NPAS3: variants seen among roughly 807,000 people sequenced by gnomAD.
NPAS3 encodes neuronal PAS domain-containing protein 3.
A neutral mutation model predicts 73.1 loss-of-function variants in NPAS3; 14 were observed. The observed-to-expected ratio is 0.19, with a 90% CI of 0.13 to 0.30. The LOEUF (loss-of-function observed/expected upper bound fraction) is 0.30. Ranked by LOEUF, NPAS3 falls within the 10% of genes least tolerant of loss-of-function variation. The probability of loss-of-function intolerance (pLI) is 1.00; values close to 1 mark genes in which losing one functional copy is unlikely to be tolerated. For missense variants in NPAS3, 1,096 were observed against 1,250.0 expected (o/e 0.88, Z 1.86); for synonymous variants, 620 against 541.5 (o/e 1.14, Z -2.01).
At chr14:33,073,335 G>C (rs1160344163) in intron 2 of NPAS3, among the ~76,000 whole-genome samples, 1 of 152,154 alleles carries the variant, frequency 6.6e-6, no homozygotes, top group Non-Finnish European at 1.5e-5. Context: ...AGTTCCTATA[G>C]CATAGAGTTT....
At chr14:33,204,507 GGA>G (rs2046749408) in intron 2 of NPAS3, among the ~76,000 whole-genome samples, 1 of 152,092 alleles carries the variant, frequency 6.6e-6, no homozygotes, top group African/African-American at 2.4e-5. Flanking sequence ...GCGTGGTTCA[GGA>G]AGCACAGTCT....
chr14:33,730,407 G>T (rs1264546308), intron 6 of NPAS3, among the ~76,000 whole-genome samples: 1 of 152,054 alleles, frequency 6.6e-6, no homozygotes, highest in East Asian at 1.9e-4. Context: ...TAATGCTACA[G>T]TAAAAAAAAC....
At chr14:33,686,142 T>A (rs1451476734) in intron 6 of NPAS3, among the ~76,000 whole-genome samples, 2 of 152,168 alleles carry the variant, frequency 1.3e-5, no homozygotes, top group East Asian at 3.9e-4. Flanking sequence ...ATGACCTACA[T>A]GGCCTGCATG....
rs1445290666 is a variant in NPAS3 at position 33,800,795 on chromosome 14, C to A, written c.2488C>A (p.Arg830Ser). The stretch of plus-strand genomic sequence containing the variant: ...GAGGGTCTACACCACGGGCACCATC[C>A]GCTACGCGCCCGCCGAGGTGACCCT... The change falls in exon 12 of 12, where the codon CGC (arginine) becomes AGC (serine). Residue 830 changes from arginine to serine, a missense_variant. Arg to Ser is a moderately radical substitution (Grantham distance 110). Transcript: ENST00000356141. The surrounding 1 kb of genome is among the most constrained non-coding windows in gnomAD (Gnocchi z 6.5). 1 of 1,589,566 alleles carries A rather than the reference C, an allele frequency of 6.3e-7. No individual in the cohort carries two copies. The highest frequency in any genetic ancestry group is 1.3e-5 in the African/African-American group (1 of 74,722).
At chr14:33,679,784 G>T (rs774669682) in intron 6 of NPAS3, among the ~76,000 whole-genome samples, 2 of 152,150 alleles carry the variant, frequency 1.3e-5, no homozygotes, top group African/African-American at 2.4e-5. Context: ...CTGTCTCTTT[G>T]AACTGTCAGC....
chr14:33,754,050 G>A (rs1410534222), intron 7 of NPAS3, among the ~76,000 whole-genome samples: 1 of 152,120 alleles, frequency 6.6e-6, no homozygotes, highest in Non-Finnish European at 1.5e-5. Flanking sequence ...AGAAAATAAG[G>A]TAACCAGTGA....
chr14:33,704,134 C>T (rs889391907), intron 6 of NPAS3, among the ~76,000 whole-genome samples: 3 of 152,166 alleles, frequency 2.0e-5, no homozygotes, highest in Non-Finnish European at 4.4e-5. Flanking sequence ...TATTATTGCC[C>T]ATTACCTTGC....
intron 6 of NPAS3, among the ~76,000 whole-genome samples, chr14:33,711,876 G>C (rs1249307190): frequency 6.6e-6 from 1 of 152,092 alleles, no homozygotes; most frequent in Non-Finnish European, 1.5e-5. Flanking sequence ...AGACCTCCCA[G>C]TTCTGCACGG....
At chr14:33,784,706 ATTT>A (rs1439795746) in intron 9 of NPAS3, among the ~76,000 whole-genome samples, 1 of 106,656 alleles carries the variant, frequency 9.4e-6, no homozygotes, top group South Asian at 3.0e-4. Context: ...AGCTGCTTTT[ATTT>A]TTTATTGTTA....
intron 1 of NPAS3, among the ~76,000 whole-genome samples, chr14:32,964,222 G>A (rs536140641): frequency 5.4e-5 from 8 of 146,790 alleles, no homozygotes; most frequent in African/African-American, 2.0e-4. Flanking sequence ...CTATATGCAT[G>A]CTATACTCTG....
chr14:33,621,913 G>A (rs558238212), intron 5 of NPAS3, among the ~76,000 whole-genome samples: 2 of 152,134 alleles, frequency 1.3e-5, no homozygotes, highest in Non-Finnish European at 2.9e-5. Context: ...GTAATGGAGA[G>A]TAATTTGAAA....
chr14:33,788,325 C>T (rs2063242017), intron 9 of NPAS3, among the ~76,000 whole-genome samples: 1 of 152,218 alleles, frequency 6.6e-6, no homozygotes, highest in Admixed American at 6.5e-5. Context: ...GTCCTCCTAT[C>T]GCCATGACGA....
At chr14:33,147,191 TAAAG>T (rs1313756801) in intron 2 of NPAS3, among the ~76,000 whole-genome samples, 2 of 152,138 alleles carry the variant, frequency 1.3e-5, no homozygotes, top group African/African-American at 4.8e-5. Context: ...CTATAAAGAA[TAAAG>T]AAGCTGTTTT....
intron 2 of NPAS3, among the ~76,000 whole-genome samples, chr14:33,139,744 A>C (rs1280576461): frequency 1.3e-5 from 2 of 152,218 alleles, no homozygotes; most frequent in African/African-American, 4.8e-5. Flanking sequence ...CCTCAGTTGC[A>C]CTAGCCTCAT....
intron 2 of NPAS3, among the ~76,000 whole-genome samples, chr14:33,185,519 T>C (rs2045947172): frequency 6.6e-6 from 1 of 152,210 alleles, no homozygotes; most frequent in Admixed American, 6.5e-5. Context: ...TTATATTCAG[T>C]TTGGAGTTAA....
intron 4 of NPAS3, among the ~76,000 whole-genome samples, chr14:33,504,827 A>AGC (rs1314952149): frequency 6.6e-6 from 1 of 152,054 alleles, no homozygotes; most frequent in Non-Finnish European, 1.5e-5. Flanking sequence ...CTATGATAGC[A>AGC]GAAGACCAGC....
At chr14:33,690,845 G>T (rs2140406860) in intron 6 of NPAS3, among the ~76,000 whole-genome samples, 2 of 131,770 alleles carry the variant, frequency 1.5e-5, no homozygotes, top group South Asian at 2.9e-4. Flanking sequence ...CATTAAAAAA[G>T]TCATTATTTT....
At chr14:33,187,694 G>A (rs1490091772) in intron 2 of NPAS3, among the ~76,000 whole-genome samples, 1 of 152,092 alleles carries the variant, frequency 6.6e-6, no homozygotes, top group Non-Finnish European at 1.5e-5. Context: ...GCAACATAGT[G>A]AGAACCTGTC....
intron 2 of NPAS3, among the ~76,000 whole-genome samples, chr14:33,107,440 T>C (rs1245328108): frequency 6.6e-6 from 1 of 152,114 alleles, no homozygotes; most frequent in Non-Finnish European, 1.5e-5. Flanking sequence ...CCAGTGTCTG[T>C]TGTTCCCATC....
Sources: gnomAD v4.1 joint callset for allele counts (sites outside exome capture counted in the v4.1 genomes callset) on GRCh38, gnomAD v4.1.1 for gene constraint, Gnocchi (gnomAD v3.1) non-coding constraint, MANE v1.5 for transcripts, NCBI Gene and HGNC (gene_info 2026-07-23, HGNC 2026-07-21) for gene names.